The following DENND5A variants were observed in gnomAD, a reference collection of about 807,000 sequenced individuals.
DENND5A encodes the protein DENN domain-containing protein 5A.
In DENND5A, 64 loss-of-function variants were observed where a neutral mutation model predicts 140.3. That is an observed-to-expected ratio of 0.46 (90% CI 0.37 to 0.56). The LOEUF (loss-of-function observed/expected upper bound fraction) is 0.56, where lower values mean the gene tolerates loss of function less well. Ranked by LOEUF, DENND5A falls within the 20% of genes least tolerant of loss-of-function variation. The pLI, the probability that DENND5A is intolerant of heterozygous loss-of-function variation, is 0.00. For synonymous variants in DENND5A, 605 were observed against 607.7 expected (o/e 1.00, Z 0.07); for missense variants, 1,292 against 1,593.8 (o/e 0.81, Z 3.22).
At position 9,226,259 on chromosome 11, in the gene DENND5A, C is replaced by G. The variant is rs139097154; in HGVS notation, c.110-18627G>C. ...TCTTCTTGTGGTAATTCTATGATTC[C>G]TCAAAGGTTATTGACATCTACTGAA... is the stretch of plus-strand genomic sequence containing the variant. On this transcript the variant is annotated intron_variant, in intron 1 of 22. Transcript: ENST00000328194. Among the ~76,000 whole-genome samples, 16 of 152,236 alleles carry G rather than the reference C, an allele frequency of 1.1e-4. No homozygotes were observed. The East Asian group carries it at 3.1e-3, about 29-fold the overall frequency.
At chr11:9,246,296 C>A (rs1564938520) in intron 1 of DENND5A, among the ~76,000 whole-genome samples, 1 of 152,148 alleles carries the variant, frequency 6.6e-6, no homozygotes, top group Non-Finnish European at 1.5e-5. Flanking sequence ...TGAGGTTCCA[C>A]ACCGGACACA....
intron 5 of DENND5A, among the ~76,000 whole-genome samples, chr11:9,190,106 T>C (rs906109536): frequency 6.6e-6 from 1 of 152,232 alleles, no homozygotes; most frequent in African/African-American, 2.4e-5. Context: ...GCAATATTTA[T>C]CTAATGCCTG....
intron 4 of DENND5A, among the ~76,000 whole-genome samples, chr11:9,197,513 T>C (rs1849373181): frequency 6.6e-6 from 1 of 151,344 alleles, no homozygotes; most frequent in African/African-American, 2.4e-5. Flanking sequence ...CTGGCCAACA[T>C]GGCAAATCCC....
At chr11:9,185,146 G>A (rs1848866547) in intron 5 of DENND5A, among the ~76,000 whole-genome samples, 1 of 152,170 alleles carries the variant, frequency 6.6e-6, no homozygotes. Context: ...AGTCGAGATT[G>A]CGCCACTGCA....
At chr11:9,169,716 T>C (rs1364786294) in intron 10 of DENND5A, 140 bp downstream of exon 10, 2 of 594,298 alleles carry the variant, frequency 3.4e-6, no homozygotes. Flanking sequence ...TATCAGGAAC[T>C]AGACCTATTA....
chr11:9,206,870 G>T, intron 2 of DENND5A, 88 bp from the exon 3 acceptor site: 1 of 966,354 alleles, frequency 1.0e-6, no homozygotes, highest in South Asian at 1.4e-5. Context: ...AGTCCAGCAA[G>T]GTACAGAAAT....
chr11:9,239,388 G>A (rs1851140444), intron 1 of DENND5A, among the ~76,000 whole-genome samples: 2 of 146,744 alleles, frequency 1.4e-5, no homozygotes, highest in South Asian at 2.1e-4. Context: ...CCAGGCTGGA[G>A]TACAGTGGTG....
intron 1 of DENND5A, among the ~76,000 whole-genome samples, chr11:9,213,649 AC>A: frequency 6.6e-6 from 1 of 151,384 alleles, no homozygotes; most frequent in Non-Finnish European, 1.5e-5. Flanking sequence ...CTCTACTAAA[AC>A]ACAAAAATTA....
chr11:9,246,671 G>C (rs1002879079), intron 1 of DENND5A, among the ~76,000 whole-genome samples: 1 of 149,580 alleles, frequency 6.7e-6, no homozygotes, highest in African/African-American at 2.5e-5. Context: ...AACTTTCTAA[G>C]GTTCTAAGGT....
At chr11:9,224,218 A>T (rs935410674) in intron 1 of DENND5A, among the ~76,000 whole-genome samples, 3 of 152,176 alleles carry the variant, frequency 2.0e-5, no homozygotes, top group African/African-American at 7.2e-5. Context: ...ATAAAACATA[A>T]GCCTAAAACA....
At position 9,241,059 on chromosome 11, in the gene DENND5A, T is replaced by C. The variant is rs7932674; in HGVS notation, c.109+23902A>G. On this transcript the variant is annotated intron_variant, in intron 1 of 22. Coordinates refer to ENST00000328194, the MANE Select transcript of DENND5A (RefSeq NM_015213.4). ...CATGTCTGTGTGTGATGTTTGTGTA[T>C]TCTTCCCCTCATGTAATCCTCACAA... Among the ~76,000 whole-genome samples, 485 of 152,304 alleles carry C rather than the reference T, an allele frequency of 3.2e-3. 2 individuals are homozygous for C. Among genetic ancestry groups the C allele is most frequent in the African/African-American group, 0.011 (459 of 41,576 alleles).
intron 5 of DENND5A, among the ~76,000 whole-genome samples, chr11:9,185,968 TAAA>T (rs1848899478): frequency 6.6e-6 from 1 of 152,122 alleles, no homozygotes; most frequent in South Asian, 2.1e-4. Context: ...TCTGTGATAA[TAAA>T]AAATAAAAAA....
At chr11:9,209,003 G>C (rs1849782724) in intron 1 of DENND5A, among the ~76,000 whole-genome samples, 1 of 152,196 alleles carries the variant, frequency 6.6e-6, no homozygotes, top group South Asian at 2.1e-4. Context: ...CTCGTCTACA[G>C]TCTGAAATTC....
At chr11:9,170,036 C>T (rs1848320323) in intron 9 of DENND5A, 87 bp from the exon 10 acceptor site, 7 of 1,001,242 alleles carry the variant, frequency 7.0e-6, no homozygotes, top group African/African-American at 1.6e-5. Context: ...TGAATGACTA[C>T]GAGTCAATGC....
At chr11:9,160,194 T>C (rs1217734413) in intron 12 of DENND5A, among the ~76,000 whole-genome samples, 2 of 152,228 alleles carry the variant, frequency 1.3e-5, no homozygotes, top group East Asian at 1.9e-4. Context: ...TGACTACCAA[T>C]TGAAAACAGA....
chr11:9,142,559 G>C (rs187654275), intron 21 of DENND5A, among the ~76,000 whole-genome samples, 163 bp downstream of exon 21: 1 of 152,190 alleles, frequency 6.6e-6, no homozygotes, highest in Admixed American at 6.5e-5. Flanking sequence ...GGGGAGGAGA[G>C]CTCTTGTCAC....
intron 1 of DENND5A, among the ~76,000 whole-genome samples, chr11:9,217,512 T>C (rs543384817): frequency 6.6e-6 from 1 of 152,128 alleles, no homozygotes; most frequent in South Asian, 2.1e-4. Flanking sequence ...AAAAATTCCG[T>C]CTCAAATTAA....
intron 12 of DENND5A, among the ~76,000 whole-genome samples, chr11:9,154,786 TAAG>T (rs1172117458): frequency 1.3e-5 from 2 of 151,640 alleles, no homozygotes; most frequent in Non-Finnish European, 2.9e-5. Context: ...TAACTGCTTC[TAAG>T]AAGGTCTATT....
intron 1 of DENND5A, among the ~76,000 whole-genome samples, chr11:9,257,869 T>G (rs1277090161): frequency 6.6e-6 from 1 of 151,776 alleles, no homozygotes; most frequent in Non-Finnish European, 1.5e-5. Flanking sequence ...CTTGGCTCAC[T>G]GCAGCCTCCG....
Sources: allele counts gnomAD v4.1 joint callset (sites outside exome capture counted in the v4.1 genomes callset), GRCh38; gene constraint gnomAD v4.1.1; transcripts MANE v1.5; gene names NCBI Gene and HGNC (gene_info 2026-07-23, HGNC 2026-07-21).